PSMB1: variants seen among roughly 807,000 people sequenced by gnomAD.
The protein encoded by PSMB1 is proteasome 20S subunit beta 1.
PSMB1 carries 7 observed loss-of-function variants against 25.4 expected under a neutral mutation model. That is an observed-to-expected ratio of 0.28 (90% CI 0.16 to 0.52). The LOEUF (loss-of-function observed/expected upper bound fraction) is 0.52, where lower values mean the gene tolerates loss of function less well. Among genes scored for constraint, PSMB1 ranks in the 20% least tolerant of loss-of-function variants. The pLI, the probability that PSMB1 is intolerant of heterozygous loss-of-function variation, is 0.97. For missense variants in PSMB1, 284 were observed against 302.2 expected (o/e 0.94, Z 0.45); for synonymous variants, 119 against 115.0 (o/e 1.03, Z -0.22).
rs1193763471 is a variant in PSMB1, at chr6:170,546,170, A to G, written c.236T>C (p.Val79Ala). ...TCCATGAAAACCGCTGCATCCAATG[A>G]CTGTTTTGTCTGTTCTGTAAAAAGC... ...PKCYKLTDKT[V>A]IGCSGFHGDC... Residue 79 changes from valine (V) to alanine (A), a missense_variant, in exon 3 of 6, where the codon GTC becomes GCC. Physicochemically the swap from Val to Ala is moderately conservative, Grantham distance 64. Coordinates refer to ENST00000262193, the MANE Select transcript of PSMB1 (RefSeq NM_002793.4). 2 of 1,613,926 alleles carry G rather than the reference A, an allele frequency of 1.2e-6. No homozygotes were observed. Among genetic ancestry groups the G allele is most frequent in the Non-Finnish European group, 1.7e-6 (2 of 1,179,894 alleles).
intron 3 of PSMB1, among the ~76,000 whole-genome samples, chr6:170,545,275 C>T (rs995408826): frequency 6.6e-5 from 10 of 152,142 alleles, no homozygotes. Context: ...ATTCACCATT[C>T]CTTGTTTTAT....
chr6:170,542,166 C>T (rs2114977237), intron 4 of PSMB1, among the ~76,000 whole-genome samples: 2 of 152,264 alleles, frequency 1.3e-5, no homozygotes, highest in South Asian at 4.2e-4. Flanking sequence ...ATTGTGTCAA[C>T]CTAATTTGTC....
At chr6:170,540,872 G>A (rs1183671110) in intron 4 of PSMB1, among the ~76,000 whole-genome samples, 1 of 152,006 alleles carries the variant, frequency 6.6e-6, no homozygotes, top group Non-Finnish European at 1.5e-5. Context: ...GATAACATGG[G>A]GAGTCAAAAA....
Position 170,535,155 on chromosome 6 carries a change from C to A in PSMB1, c.*65G>T. ...TTCTCTTTTAATAAACAAAACCATC[C>A]AAGGTACAGTTCCAAAGTACAAAAT... is the stretch of plus-strand genomic sequence containing the variant. On this transcript the variant is annotated 3_prime_UTR_variant, in exon 6 of 6. Coordinates refer to ENST00000262193, the MANE Select transcript of PSMB1 (RefSeq NM_002793.4). The A allele has an allele frequency of 7.0e-7, 1 of 1,434,950 alleles. No homozygotes were observed. Among genetic ancestry groups the A allele is most frequent in the South Asian group, 1.4e-5 (1 of 69,074 alleles). 88.9% of individuals were successfully genotyped at this position (1,434,950 alleles called of 1,614,324 possible). A position where few individuals can be genotyped will look rare whatever the true frequency, so the allele number is the denominator to read the frequency against.
Position 170,548,653 on chromosome 6 carries a change from T to C in PSMB1, c.221+353A>G, listed in dbSNP as rs73037337. On this transcript the variant is annotated intron_variant, in intron 2 of 5. Transcript: ENST00000262193. ...GAGTTGGGACCAGGTGTTTAGGTCC[T>C]AGGGCTCAGCTTTCATGAATGGACA... 7.3e-3 allele frequency among the ~76,000 whole-genome samples: 1,111 copies of C among 152,302 alleles called. 5 individuals are homozygous for C. Among genetic ancestry groups the C allele is most frequent in the Non-Finnish European group, 0.012 (834 of 68,024 alleles).
intron 3 of PSMB1, among the ~76,000 whole-genome samples, chr6:170,545,287 A>C (rs1778804754): frequency 6.6e-6 from 1 of 152,230 alleles, no homozygotes; most frequent in African/African-American, 2.4e-5. Context: ...TTGTTTTATT[A>C]ACAATATCAT....
Position 170,535,515 on chromosome 6 carries a change from T to C in PSMB1, c.541-110A>G, listed in dbSNP as rs1164485304. The C allele has an allele frequency of 3.5e-5, 33 of 949,880 alleles. 1 individual carries two copies. In the Admixed American group the frequency reaches 8.5e-4, roughly 24 times the overall value. 58.8% of individuals were successfully genotyped at this position (949,880 alleles called of 1,614,324 possible). On this transcript the variant is annotated intron_variant, in intron 5 of 5. Coordinates refer to ENST00000262193, the MANE Select transcript of PSMB1 (RefSeq NM_002793.4). ...GTACGAGGATTTGTGATGAAAATAC[T>C]ACACAAAATTAAAATGTCCTTCAGA... is the stretch of plus-strand genomic sequence containing the variant.
chr6:170,553,078 A>G, intron 1 of PSMB1, 52 bp downstream of exon 1: 1 of 1,478,864 alleles, frequency 6.8e-7, no homozygotes. Context: ...AATAGGCTTC[A>G]GCAGATGGGG....
At chr6:170,546,236 C>T in intron 2 of PSMB1, 52 bp from the exon 3 acceptor site, 1 of 1,424,416 alleles carries the variant, frequency 7.0e-7, no homozygotes, top group Non-Finnish European at 9.8e-7. Context: ...TAGAGCAAAA[C>T]ATATCTTCGG....
intron 1 of PSMB1, 77 bp from the exon 2 acceptor site, chr6:170,549,190 A>C: frequency 1.3e-6 from 1 of 760,606 alleles, no homozygotes; most frequent in Non-Finnish European, 2.2e-6. Context: ...TCCATAGTAC[A>C]TAATGGGATA....
Position 170,535,243 on chromosome 6 carries a change from T to C in PSMB1, c.703A>G (p.Thr235Ala), listed in dbSNP as rs1426877228. Residue 235 changes from threonine to alanine, a missense_variant, in exon 6 of 6, where the codon ACT becomes GCT. Coordinates refer to ENST00000262193, the MANE Select transcript of PSMB1 (RefSeq NM_002793.4). ...GATCAGTCCTTCCTTAAGGAAACAG[T>C]TTCCTCCCTGATGCCCTCTTTGGTC... ...IVTKEGIREETVSLRKD is the reference protein window; with the variant it reads ...IVTKEGIREEAVSLRKD 2.5e-6 allele frequency: 4 copies of C among 1,613,996 alleles called. No homozygotes were observed. The East Asian group carries it at 8.9e-5, about 36-fold the overall frequency.
At chr6:170,549,249 G>T (rs1258612630) in intron 1 of PSMB1, 136 bp from the exon 2 acceptor site, 2 of 512,584 alleles carry the variant, frequency 3.9e-6, no homozygotes, top group East Asian at 3.1e-5. Flanking sequence ...GAAGAGGAAA[G>T]ATGAGCGGGA....
intron 1 of PSMB1, 70 bp downstream of exon 1, chr6:170,553,060 G>T: frequency 7.4e-7 from 1 of 1,348,214 alleles, no homozygotes; most frequent in Middle Eastern, 1.9e-4. Context: ...TCACGGCGGT[G>T]ACTCCTAAAT....
intron 5 of PSMB1, 133 bp downstream of exon 5, chr6:170,537,101 C>A (rs142203522): frequency 3.0e-6 from 2 of 677,768 alleles, no homozygotes; most frequent in East Asian, 5.5e-5. Flanking sequence ...CAAACTCAAA[C>A]AGTAATTTAT....
chr6:170,553,217 G>C lies in PSMB1; in HGVS notation c.26C>G (p.Ser9Trp). The C allele has an allele frequency of 1.2e-6, 2 of 1,613,180 alleles. No homozygotes were observed. The highest frequency in any genetic ancestry group is 1.7e-6 in the Non-Finnish European group (2 of 1,179,610). Residue 9 changes from serine to tryptophan, a missense_variant, in exon 1 of 6, where the codon TCG becomes TGG. Physicochemically the swap from Ser to Trp is radical, Grantham distance 177. Coordinates refer to ENST00000262193, the MANE Select transcript of PSMB1 (RefSeq NM_002793.4). MLSSTAMY[S>W]APGRDLGMEP... is the part of the protein sequence containing the mutation. ...CATCCCCAAGTCTCTGCCAGGAGCC[G>C]AATACATGGCTGTAGAGGACAACAT...
At chr6:170,535,532 TC>T in intron 5 of PSMB1, 127 bp from the exon 6 acceptor site, 1 of 801,506 alleles carries the variant, frequency 1.2e-6, no homozygotes, top group Non-Finnish European at 1.9e-6. Context: ...AATTAAAATG[TC>T]CTTCAGACTG....
At position 170,543,696 on chromosome 6, in the gene PSMB1, G is replaced by A. The variant is rs779837254; in HGVS notation, c.338C>T (p.Thr113Met). 12 of 1,611,510 alleles carry A rather than the reference G, an allele frequency of 7.4e-6. No individual in the cohort carries two copies. Among genetic ancestry groups the A allele is most frequent in the Middle Eastern group, 1.7e-4 (1 of 6,054 alleles). The change falls in exon 4 of 6, where the codon ACG (threonine) becomes ATG (methionine). Residue 113 changes from threonine to methionine, a missense_variant. Transcript: ENST00000262193. Reference protein sequence around the residue: ...YKHSNNKAMTTGAIAAMLSTI... With the variant: ...YKHSNNKAMTMGAIAAMLSTI... ...AGACAGCATTGCAGCAATTGCCCCC[G>A]TAGTCATGGCCTTATTATTGGAATG...
chr6:170,546,112 T>A lies in PSMB1; in HGVS notation c.294A>T (p.Ala98=). ...GTACAAAAGCATCTACCTTTAGTCT[T>A]GCTTCAATAATCTTTGTCAGCGTAA... is the stretch of plus-strand genomic sequence containing the variant. The part of the protein sequence containing the change: ...DCLTLTKIIE[A]RLKMYKHSNN... The change falls in exon 3 of 6, where the codon GCA becomes GCT. Residue 98 remains alanine (A), a synonymous_variant. Coordinates refer to ENST00000262193, the MANE Select transcript of PSMB1 (RefSeq NM_002793.4). 6.2e-7 allele frequency: 1 copy of A among 1,612,968 alleles called. No homozygotes were observed. Among genetic ancestry groups the A allele is most frequent in the African/African-American group, 1.3e-5 (1 of 75,044 alleles).
At chr6:170,551,139 C>T (rs1778894496) in intron 1 of PSMB1, among the ~76,000 whole-genome samples, 1 of 151,958 alleles carries the variant, frequency 6.6e-6, no homozygotes, top group Admixed American at 6.6e-5. Context: ...GAGACTCTGT[C>T]TCAAAAAATA....
Sources: gnomAD v4.1 joint callset for allele counts (sites outside exome capture counted in the v4.1 genomes callset) on GRCh38, gnomAD v4.1.1 for gene constraint, MANE v1.5 for transcripts, NCBI Gene and HGNC (gene_info 2026-07-23, HGNC 2026-07-21) for gene names.